Variants in ROBO2 observed in about 807,000 individuals in gnomAD.
ROBO2 encodes the protein roundabout guidance receptor 2.
ROBO2 carries 53 observed loss-of-function variants against 160.8 expected under a neutral mutation model. The observed-to-expected ratio is 0.33, with a 90% CI of 0.26 to 0.41. The LOEUF (loss-of-function observed/expected upper bound fraction) is 0.41, where lower values mean the gene tolerates loss of function less well. Among genes scored for constraint, ROBO2 ranks in the 10% least tolerant of loss-of-function variants. The pLI is 1.00. For synonymous variants in ROBO2, 664 were observed against 611.7 expected (o/e 1.09, Z -1.26); for missense variants, 1,577 against 1,722.4 (o/e 0.92, Z 1.49).
chr3:76,315,667 T>C (rs775767873), intron 2 of ROBO2, among the ~76,000 whole-genome samples: 1 of 152,218 alleles, frequency 6.6e-6, no homozygotes, highest in Non-Finnish European at 1.5e-5. Flanking sequence ...CCCATTATTA[T>C]ATTTCTTCTG....
chr3:77,643,543 T>C (rs1035766406), intron 24 of ROBO2, among the ~76,000 whole-genome samples: 7 of 152,182 alleles, frequency 4.6e-5, no homozygotes, highest in African/African-American at 7.2e-5. Context: ...GAAATAAATT[T>C]CATTGTTTGT....
At chr3:77,109,558 C>T (rs2073298190) in intron 2 of ROBO2, among the ~76,000 whole-genome samples, 1 of 152,086 alleles carries the variant, frequency 6.6e-6, no homozygotes, top group Admixed American at 6.6e-5. Flanking sequence ...AGGAGGCTGA[C>T]TCTGCAAGAG....
At chr3:77,353,810 C>T (rs763198298) in intron 2 of ROBO2, among the ~76,000 whole-genome samples, 2 of 151,338 alleles carry the variant, frequency 1.3e-5, no homozygotes, top group Non-Finnish European at 2.9e-5. Flanking sequence ...AGCACCTGGC[C>T]GGGAACCTTT....
At chr3:77,493,103 T>G in intron 4 of ROBO2, 141 bp from the exon 5 acceptor site, 1 of 784,198 alleles carries the variant, frequency 1.3e-6, no homozygotes, top group South Asian at 1.5e-5. Context: ...TCACAAGGCC[T>G]TATTAAAACA....
intron 2 of ROBO2, among the ~76,000 whole-genome samples, chr3:76,958,191 G>A (rs1453809671): frequency 6.6e-6 from 1 of 152,162 alleles, no homozygotes; most frequent in African/African-American, 2.4e-5. Flanking sequence ...AAGGTCTTCA[G>A]AGCCACTTCA....
chr3:77,386,915 A>G (rs1167987203), intron 2 of ROBO2, among the ~76,000 whole-genome samples: 1 of 151,882 alleles, frequency 6.6e-6, no homozygotes, highest in Non-Finnish European at 1.5e-5. Flanking sequence ...TAATTTTTTT[A>G]TAAATTAGTT....
rs1211230437 is a variant in ROBO2 at position 76,131,715 on chromosome 3, G to A, written c.109+194113G>A. Reference sequence around the variant, plus strand: ...CAACACAGAGGATGACTACTGATACGTTTTCTTTGATTTTATAACAGTTTT... The same window carrying A: ...CAACACAGAGGATGACTACTGATACATTTTCTTTGATTTTATAACAGTTTT... On this transcript the variant is annotated intron_variant, in intron 2 of 26. Coordinates refer to the ROBO2 transcript ENST00000487694. Among the ~76,000 whole-genome samples the A allele has an allele frequency of 2.6e-5, 4 of 152,000 alleles. No individual in the cohort carries two copies. In the East Asian group the frequency reaches 5.8e-4, roughly 22 times the overall value.
At chr3:75,969,103 AT>A (rs1212819998) in intron 2 of ROBO2, among the ~76,000 whole-genome samples, 7 of 149,842 alleles carry the variant, frequency 4.7e-5, no homozygotes, top group Admixed American at 4.0e-4. Flanking sequence ...AAAAATGGCA[AT>A]TTTAATCTTT....
intron 2 of ROBO2, among the ~76,000 whole-genome samples, chr3:77,015,847 A>G (rs2062205888): frequency 6.6e-6 from 1 of 152,242 alleles, no homozygotes; most frequent in South Asian, 2.1e-4. Flanking sequence ...ATGTGTTTAA[A>G]TCACATGTCT....
At chr3:76,264,202 G>A (rs1005198248) in intron 2 of ROBO2, among the ~76,000 whole-genome samples, 15 of 151,758 alleles carry the variant, frequency 9.9e-5, no homozygotes, top group Admixed American at 6.6e-4. Context: ...AAACCTTCAC[G>A]TTCTGCACTT....
chr3:77,200,265 T>TATA (rs2082717549), intron 2 of ROBO2, among the ~76,000 whole-genome samples: 8 of 59,038 alleles, frequency 1.4e-4, no homozygotes, highest in Non-Finnish European at 2.4e-4. Flanking sequence ...AACTAACATA[T>TATA]TTTATATATA....
At chr3:77,588,968 T>A (rs368435540) in intron 17 of ROBO2, 35 bp downstream of exon 18, 1 of 1,606,154 alleles carries the variant, frequency 6.2e-7, no homozygotes, top group South Asian at 1.1e-5. Flanking sequence ...AAATCTCTTG[T>A]CTGTAGGAAT....
intron 4 of ROBO2, among the ~76,000 whole-genome samples, chr3:77,493,021 G>A (rs2153600297): frequency 6.6e-6 from 1 of 152,210 alleles, no homozygotes; most frequent in African/African-American, 2.4e-5. Flanking sequence ...TCCAAAGGTT[G>A]TATGGTCTTA....
chr3:75,983,133 A>G (rs1274832916), intron 2 of ROBO2, among the ~76,000 whole-genome samples: 2 of 151,478 alleles, frequency 1.3e-5, no homozygotes, highest in Admixed American at 6.6e-5. Context: ...TTAAGTGTAC[A>G]GTAGGAGAGA....
chr3:77,149,094 G>A (rs1333339462), intron 2 of ROBO2, among the ~76,000 whole-genome samples: 1 of 149,234 alleles, frequency 6.7e-6, no homozygotes, highest in Non-Finnish European at 1.5e-5. Flanking sequence ...GGAGTGCGGT[G>A]GCATGATCTC....
intron 2 of ROBO2, among the ~76,000 whole-genome samples, chr3:76,451,652 G>A (rs1037050453): frequency 1.1e-4 from 17 of 152,126 alleles, no homozygotes; most frequent in African/African-American, 4.1e-4. Context: ...TGAGGCCAGG[G>A]AAAGACACTT....
At chr3:77,232,735 T>A (rs2087393860) in intron 2 of ROBO2, among the ~76,000 whole-genome samples, 1 of 152,180 alleles carries the variant, frequency 6.6e-6, no homozygotes, top group South Asian at 2.1e-4. Flanking sequence ...ATGGTGATGG[T>A]CTAACTTGTA....
At chr3:75,910,787 T>C (rs1391278997) in intron 1 of ROBO2, among the ~76,000 whole-genome samples, 5 of 152,224 alleles carry the variant, frequency 3.3e-5, no homozygotes, top group African/African-American at 1.2e-4. Context: ...AGAGAAGTTT[T>C]TGATTCTTAA....
intron 2 of ROBO2, among the ~76,000 whole-genome samples, chr3:76,933,954 G>T (rs984542958): frequency 2.0e-5 from 3 of 152,072 alleles, no homozygotes; most frequent in East Asian, 1.9e-4. Flanking sequence ...AAATAGTTTA[G>T]ATACTGCCAG....
Sources: gnomAD v4.1 joint callset for allele counts (sites outside exome capture counted in the v4.1 genomes callset) on GRCh38, gnomAD v4.1.1 for gene constraint, MANE v1.5 for transcripts, NCBI Gene and HGNC (gene_info 2026-07-23, HGNC 2026-07-21) for gene names.